The following AGBL4 variants were observed in gnomAD, a reference collection of about 807,000 sequenced individuals.
AGBL4 encodes AGBL carboxypeptidase 4.
Under a neutral mutation model 66.4 loss-of-function variants are expected in AGBL4, and 58 were observed. That is an observed-to-expected ratio of 0.87 (90% CI 0.71 to 1.09). The LOEUF (loss-of-function observed/expected upper bound fraction) is 1.09, where lower values mean the gene tolerates loss of function less well. Among genes scored for constraint, AGBL4 ranks in the 50% least tolerant of loss-of-function variants. The pLI is 0.00. For synonymous variants in AGBL4, 234 were observed against 222.9 expected, an observed-to-expected ratio of 1.05 and a Z score of -0.44; for missense variants, 579 against 631.0, an observed-to-expected ratio of 0.92 and a Z score of 0.88.
At chr1:49,592,334 G>T (rs1644767226) in intron 3 of AGBL4, among the ~76,000 whole-genome samples, 1 of 152,178 alleles carries the variant, frequency 6.6e-6, no homozygotes, top group African/African-American at 2.4e-5. Flanking sequence ...ACTTTGAGAG[G>T]CTGAGGAGGG....
intron 1 of AGBL4, among the ~76,000 whole-genome samples, chr1:49,913,176 T>C (rs993579703): frequency 2.0e-5 from 3 of 152,106 alleles, no homozygotes; most frequent in Non-Finnish European, 2.9e-5. Flanking sequence ...AGAAATCAAA[T>C]ATGGGTGAGA....
At chr1:49,977,165 T>G (rs1188378823) in intron 1 of AGBL4, among the ~76,000 whole-genome samples, 1 of 152,196 alleles carries the variant, frequency 6.6e-6, no homozygotes, top group African/African-American at 2.4e-5. Flanking sequence ...CCATCTTCCA[T>G]GAGCTTCACC....
intron 4 of AGBL4, among the ~76,000 whole-genome samples, chr1:49,119,305 GA>G (rs1456064343): frequency 1.3e-5 from 2 of 152,238 alleles, no homozygotes; most frequent in Admixed American, 1.3e-4. Context: ...GTCGATTTTA[GA>G]TCTTTTCTGC....
At chr1:49,380,830 A>C (rs1459688800) in intron 3 of AGBL4, among the ~76,000 whole-genome samples, 1 of 152,216 alleles carries the variant, frequency 6.6e-6, no homozygotes, top group Admixed American at 6.5e-5. Flanking sequence ...CTTACACCTT[A>C]TACAAAAATT....
intron 1 of AGBL4, among the ~76,000 whole-genome samples, chr1:49,885,172 A>G (rs1414078473): frequency 6.6e-6 from 1 of 151,954 alleles, no homozygotes; most frequent in Non-Finnish European, 1.5e-5. Flanking sequence ...GAGGTAAAAA[A>G]TTACCTCTAT....
At chr1:49,676,320 T>G (rs985413515) in intron 3 of AGBL4, among the ~76,000 whole-genome samples, 9 of 152,074 alleles carry the variant, frequency 5.9e-5, no homozygotes, top group African/African-American at 1.7e-4. Flanking sequence ...ATTCATCACC[T>G]TTTATAAGAT....
chr1:49,381,667 T>C (rs958336847), intron 3 of AGBL4, among the ~76,000 whole-genome samples: 4 of 151,932 alleles, frequency 2.6e-5, no homozygotes, highest in African/African-American at 9.7e-5. Flanking sequence ...TATGCAGCCA[T>C]AAAAAATGAT....
intron 1 of AGBL4, among the ~76,000 whole-genome samples, chr1:49,941,917 C>T (rs1055242080): frequency 6.6e-6 from 1 of 151,794 alleles, no homozygotes; most frequent in Admixed American, 6.6e-5. Context: ...TAAAAGGAAT[C>T]CAAAATGGAA....
At chr1:48,576,933 C>A (rs1644663689) in intron 11 of AGBL4, among the ~76,000 whole-genome samples, 1 of 152,202 alleles carries the variant, frequency 6.6e-6, no homozygotes, top group African/African-American at 2.4e-5. Flanking sequence ...CAGGAAACCT[C>A]ATTTCCCCAA....
chr1:48,568,291 TTCTC>T (rs151060894), intron 11 of AGBL4, among the ~76,000 whole-genome samples: 41 of 148,346 alleles, frequency 2.8e-4, no homozygotes, highest in South Asian at 4.3e-4. Context: ...AACAACACTC[TTCTC>T]TCTCTCTCTC....
intron 4 of AGBL4, among the ~76,000 whole-genome samples, chr1:49,083,129 C>T (rs956642987): frequency 6.6e-6 from 1 of 152,152 alleles, no homozygotes; most frequent in Non-Finnish European, 1.5e-5. Flanking sequence ...CTTTCATGGG[C>T]TGGTGTTGAG....
At chr1:49,089,861 CA>C (rs1486122381) in intron 4 of AGBL4, among the ~76,000 whole-genome samples, 1 of 152,136 alleles carries the variant, frequency 6.6e-6, no homozygotes, top group Non-Finnish European at 1.5e-5. Flanking sequence ...AAAATACTAG[CA>C]AACCAAGACC....
intron 9 of AGBL4, among the ~76,000 whole-genome samples, chr1:48,608,682 G>C (rs1344403226): frequency 6.6e-6 from 1 of 151,986 alleles, no homozygotes; most frequent in Admixed American, 6.6e-5. Context: ...CATAACAGAG[G>C]CTTCTATTCT....
intron 4 of AGBL4, among the ~76,000 whole-genome samples, chr1:49,240,079 T>C (rs762593405): frequency 1.3e-5 from 2 of 152,054 alleles, no homozygotes; most frequent in African/African-American, 2.4e-5. Flanking sequence ...AAAGGCCCCA[T>C]TATTTCAGAA....
At chr1:49,706,186 T>G (rs1479875999) in intron 2 of AGBL4, among the ~76,000 whole-genome samples, 1 of 152,192 alleles carries the variant, frequency 6.6e-6, no homozygotes, top group Non-Finnish European at 1.5e-5. Flanking sequence ...CCTGGACTTT[T>G]GTTGGTTGGT....
At chr1:49,439,078 T>C (rs538130319) in intron 3 of AGBL4, among the ~76,000 whole-genome samples, 1 of 152,242 alleles carries the variant, frequency 6.6e-6, no homozygotes, top group East Asian at 1.9e-4. Flanking sequence ...GGGACAAACA[T>C]TCAAACCATA....
chr1:49,196,886 G>A (rs1216988719), intron 4 of AGBL4, among the ~76,000 whole-genome samples: 1 of 152,088 alleles, frequency 6.6e-6, no homozygotes, highest in Admixed American at 6.5e-5. Flanking sequence ...GAATACAGTG[G>A]CATGATCTTG....
chr1:48,542,232 A>T (rs1644085070), intron 11 of AGBL4, among the ~76,000 whole-genome samples: 1 of 152,084 alleles, frequency 6.6e-6, no homozygotes. Flanking sequence ...TTCTTTATCC[A>T]TTCTATCATT....
intron 3 of AGBL4, among the ~76,000 whole-genome samples, chr1:49,290,946 G>A (rs1644521353): frequency 6.6e-6 from 1 of 152,174 alleles, no homozygotes; most frequent in African/African-American, 2.4e-5. Flanking sequence ...GGAGTTTGAG[G>A]CTGCAGTGCA....
Sources: allele counts gnomAD v4.1 joint callset (sites outside exome capture counted in the v4.1 genomes callset), GRCh38; gene constraint gnomAD v4.1.1; transcripts MANE v1.5; gene names NCBI Gene and HGNC (gene_info 2026-07-23, HGNC 2026-07-21).